TMEM14C: variants seen among roughly 807,000 people sequenced by gnomAD.
The protein encoded by TMEM14C is transmembrane protein 14C.
Under a neutral mutation model 14.8 loss-of-function variants are expected in TMEM14C, and 13 were observed. The ratio of observed to expected loss-of-function variants is 0.88; its 90% CI spans 0.57 to 1.40. The LOEUF (loss-of-function observed/expected upper bound fraction) is 1.40, where lower values mean the gene tolerates loss of function less well. TMEM14C is among the 40% of genes most tolerant of loss of function. The pLI is 0.00. For missense variants in TMEM14C, 142 were observed against 138.8 expected (o/e 1.02, Z -0.12); for synonymous variants, 57 against 51.3 (o/e 1.11, Z -0.48).
chr6:10,730,198 T>A (rs1026302494), intron 5 of TMEM14C, among the ~76,000 whole-genome samples: 4 of 152,212 alleles, frequency 2.6e-5, no homozygotes, highest in African/African-American at 9.7e-5. Flanking sequence ...AAATCTGTTT[T>A]GGAGAAAGAT....
chr6:10,729,709 C>T (rs1315126685), intron 5 of TMEM14C, among the ~76,000 whole-genome samples: 5 of 152,086 alleles, frequency 3.3e-5, no homozygotes, highest in Non-Finnish European at 7.3e-5. Context: ...ACCTGGGAAG[C>T]GGAGATTACA....
rs746078391 is a variant in TMEM14C, at chr6:10,725,055, C to T, written c.97+18C>T. On this transcript the variant is annotated intron_variant, in intron 3 of 5. Transcript: ENST00000229563. ...AAAAGCAGGTAGGGTTTTGTTGTTA[C>T]TTAGCCTCTTAACATCTTCACGTTG... 4.3e-6 allele frequency: 7 copies of T among 1,613,760 alleles called. No homozygotes were observed. The highest frequency in any genetic ancestry group is 1.7e-5 in the Admixed American group (1 of 60,016).
Position 10,725,959 on chromosome 6 carries a change from G to A in TMEM14C, c.150G>A (p.Leu50=). Residue 50 remains leucine (L), a synonymous_variant, in exon 4 of 6, where the codon CTG becomes CTA. Coordinates refer to ENST00000229563, the MANE Select transcript of TMEM14C (RefSeq NM_016462.4). ...AGLLFGSLAG[L]GAYQLSQDPR... ...TGCTCTTTGGCAGTCTAGCCGGCCT[G>A]GGTGCTTACCAGCTGTCTCAGGATC... The A allele has an allele frequency of 3.7e-6, 6 of 1,614,140 alleles. No individual in the cohort carries two copies. Among genetic ancestry groups the A allele is most frequent in the Non-Finnish European group, 4.2e-6 (5 of 1,180,038 alleles).
At chr6:10,724,433 C>T (rs1408067638) in intron 1 of TMEM14C, 137 bp from the exon 2 acceptor site, 12 of 619,436 alleles carry the variant, frequency 1.9e-5, no homozygotes, top group East Asian at 8.3e-5. Flanking sequence ...CCCAGGAAAT[C>T]GGTACCAGTG....
At chr6:10,730,467 CCAGGGATGGAAATTTACCCCTG>C in intron 5 of TMEM14C, 126 bp from the exon 6 acceptor site, 1 of 644,922 alleles carries the variant, frequency 1.6e-6, no homozygotes. Flanking sequence ...TCTGGTTCCT[CCAGGGATGGAAATTTACCCCTG>C]ACCACTCTTG....
In TMEM14C at chr6:10,730,890, G is replaced by A. The variant is rs1000075062; in HGVS notation, c.*224G>A. 5.0e-6 allele frequency: 6 copies of A among 1,195,856 alleles called. No individual in the cohort carries two copies. In the African/African-American group the frequency reaches 7.8e-5, roughly 16 times the overall value. 74.1% of individuals were successfully genotyped at this position (1,195,856 alleles called of 1,614,324 possible). On this transcript the variant is annotated 3_prime_UTR_variant, in exon 6 of 6. Coordinates refer to ENST00000229563, the MANE Select transcript of TMEM14C (RefSeq NM_016462.4). ...GCTTAATAAGACCCTCATAGAGCTTGATTCTTGTATATTGATGTTGTCTTT... is the reference window on the plus strand; with the variant it reads ...GCTTAATAAGACCCTCATAGAGCTTAATTCTTGTATATTGATGTTGTCTTT...
chr6:10,728,607 A>G (rs1460098919), intron 4 of TMEM14C, 33 bp from the exon 5 acceptor site: 1 of 1,606,272 alleles, frequency 6.2e-7, no homozygotes, highest in Non-Finnish European at 8.5e-7. Context: ...AGATGTAATG[A>G]GTTTTAACAC....
intron 1 of TMEM14C, among the ~76,000 whole-genome samples, chr6:10,724,133 G>A (rs1471418746): frequency 6.6e-6 from 1 of 152,216 alleles, no homozygotes; most frequent in Non-Finnish European, 1.5e-5. Context: ...GAAATTGGCT[G>A]TTGCAGCAGG....
intron 5 of TMEM14C, among the ~76,000 whole-genome samples, chr6:10,729,597 C>G (rs931709085): frequency 1.3e-5 from 2 of 151,556 alleles, no homozygotes; most frequent in Non-Finnish European, 2.9e-5. Flanking sequence ...GCCAACATTG[C>G]GAAACCCCGT....
intron 5 of TMEM14C, 137 bp downstream of exon 5, chr6:10,728,864 G>A (rs1770948221): frequency 1.3e-6 from 2 of 1,528,200 alleles, no homozygotes; most frequent in African/African-American, 1.4e-5. Context: ...TACACTAATA[G>A]GAAATGTTTC....
At chr6:10,725,289 G>A (rs1203416508) in intron 3 of TMEM14C, among the ~76,000 whole-genome samples, 1 of 152,136 alleles carries the variant, frequency 6.6e-6, no homozygotes, top group Non-Finnish European at 1.5e-5. Context: ...GGCGGTTGTA[G>A]TTTGTTATTA....
chr6:10,729,830 G>C (rs1356474415), intron 5 of TMEM14C, among the ~76,000 whole-genome samples: 1 of 152,100 alleles, frequency 6.6e-6, no homozygotes, highest in Non-Finnish European at 1.5e-5. Context: ...AGGTGTGGTG[G>C]CTCATGCCTA....
chr6:10,724,896 C>A, intron 2 of TMEM14C, 65 bp from the exon 3 acceptor site: 3 of 1,568,442 alleles, frequency 1.9e-6, no homozygotes, highest in Non-Finnish European at 2.6e-6. Flanking sequence ...TTAGTCCCAT[C>A]CTATGACAGT....
intron 1 of TMEM14C, 41 bp downstream of exon 1, chr6:10,723,282 T>G (rs537470597): frequency 1.3e-5 from 2 of 152,292 alleles, no homozygotes; most frequent in Non-Finnish European, 2.9e-5. Context: ...CTGCCACTTT[T>G]AACTTTTAGG....
chr6:10,723,268 T>C (rs190711192), intron 1 of TMEM14C, 27 bp downstream of exon 1: 74 of 152,406 alleles, frequency 4.9e-4, no homozygotes, highest in African/African-American at 1.7e-3. Context: ...ATTATTCTTA[T>C]TTTCTGCCAC....
chr6:10,729,186 C>T (rs982356990), intron 5 of TMEM14C, among the ~76,000 whole-genome samples: 1 of 152,188 alleles, frequency 6.6e-6, no homozygotes, highest in African/African-American at 2.4e-5. Context: ...GGATGGAGTG[C>T]AATGGCGTGA....
At chr6:10,726,264 TTC>T (rs1165997905) in intron 4 of TMEM14C, among the ~76,000 whole-genome samples, 1 of 152,218 alleles carries the variant, frequency 6.6e-6, no homozygotes, top group East Asian at 1.9e-4. Flanking sequence ...AGCATTAAAA[TTC>T]TATCAGGCAA....
intron 5 of TMEM14C, 124 bp from the exon 6 acceptor site, chr6:10,730,491 C>T (rs1266969606): frequency 2.4e-6 from 2 of 839,380 alleles, no homozygotes; most frequent in Non-Finnish European, 3.5e-6. Context: ...TTACCCCTGA[C>T]CACTCTTGCC....
In TMEM14C at chr6:10,730,781, A is replaced by G. The variant is rs1046904788; in HGVS notation, c.*115A>G. On this transcript the variant is annotated 3_prime_UTR_variant, in exon 6 of 6. Transcript: ENST00000229563. The stretch of plus-strand genomic sequence containing the variant: ...TTTTTGCATCTGACATTTTACCTAA[A>G]AAAAAAGACACCAAACTTGGCAGAG... 6 of 1,396,140 alleles carry G rather than the reference A, an allele frequency of 4.3e-6. No individual in the cohort carries two copies. The African/African-American group carries it at 7.3e-5, about 17-fold the overall frequency. 86.5% of individuals were successfully genotyped at this position (1,396,140 alleles called of 1,614,324 possible).
Sources: allele counts gnomAD v4.1 joint callset (sites outside exome capture counted in the v4.1 genomes callset), GRCh38; gene constraint gnomAD v4.1.1; transcripts MANE v1.5; gene names NCBI Gene and HGNC (gene_info 2026-07-23, HGNC 2026-07-21).